Variants in DNAH14 observed in about 807,000 individuals in gnomAD.
DNAH14 encodes the protein axonemal beta dynein heavy chain 14.
DNAH14 carries 478 observed loss-of-function variants against 520.9 expected under a neutral mutation model. The observed-to-expected ratio is 0.92, with a 90% CI of 0.85 to 0.99. The LOEUF is 0.99. Ranked by LOEUF, DNAH14 falls within the 50% of genes least tolerant of loss-of-function variation. DNAH14 has a pLI of 0.00. For synonymous variants in DNAH14, 1,581 were observed against 1,757.2 expected, an observed-to-expected ratio of 0.90 and a Z score of 2.51; for missense variants, 4,831 against 5,234.5, an observed-to-expected ratio of 0.92 and a Z score of 2.38.
intron 31 of DNAH14, among the ~76,000 whole-genome samples, chr1:225,150,540 G>A (rs1439008500): frequency 6.6e-6 from 1 of 152,090 alleles, no homozygotes; most frequent in Non-Finnish European, 1.5e-5. Flanking sequence ...GCCTTTTTTG[G>A]TTGGTAGGCT....
chr1:225,118,533 G>C (rs1187890769), intron 25 of DNAH14, among the ~76,000 whole-genome samples: 2 of 152,058 alleles, frequency 1.3e-5, no homozygotes, highest in Non-Finnish European at 2.9e-5. Context: ...AAAAAATGCT[G>C]TGCCCAACCC....
rs1308406137 is a variant in DNAH14 at position 224,929,773 on chromosome 1, G to C, written c.-96G>C. The C allele has an allele frequency of 1.4e-6, 1 of 701,730 alleles. No homozygotes were observed. The highest frequency in any genetic ancestry group is 2.0e-5 in the Admixed American group (1 of 49,976). 43.5% of individuals were successfully genotyped at this position (701,730 alleles called of 1,614,324 possible). On this transcript the variant is annotated 5_prime_UTR_variant, in exon 1 of 86. Transcript: ENST00000682510. Reference sequence around the variant, plus strand: ...CCTAGTCTGGCGCTCGCCGGCGTGGGCGGGCCGGACCTTCGCCGCTTCCAG... The same window carrying C: ...CCTAGTCTGGCGCTCGCCGGCGTGGCCGGGCCGGACCTTCGCCGCTTCCAG...
Position 225,337,250 on chromosome 1 carries a change from A to G in DNAH14, c.10081-16A>G, listed in dbSNP as rs1200133885. Reference sequence around the variant, plus strand: ...ACATTTACAAAATAGTGAAAGTACTAATAATTTCATTGCAGATCAGCCGAT... The same window carrying G: ...ACATTTACAAAATAGTGAAAGTACTGATAATTTCATTGCAGATCAGCCGAT... On this transcript the variant is annotated splice_polypyrimidine_tract_variant and intron_variant, in intron 66 of 85. Coordinates refer to ENST00000682510, the MANE Select transcript of DNAH14 (RefSeq NM_001367479.1). 10 of 1,542,012 alleles carry G rather than the reference A, an allele frequency of 6.5e-6. No homozygotes were observed. Among genetic ancestry groups the G allele is most frequent in the Admixed American group, 3.9e-5 (2 of 50,896 alleles).
intron 75 of DNAH14, among the ~76,000 whole-genome samples, chr1:225,364,133 G>A (rs79830859): frequency 0.041 from 6,275 of 152,214 alleles, 184 homozygotes; most frequent in Middle Eastern, 0.075. Flanking sequence ...ATCATATCAA[G>A]AGGCCTGTGA....
Position 224,967,468 on chromosome 1 carries a change from T to G in DNAH14, c.536T>G (p.Leu179Arg). Residue 179 changes from leucine to arginine, a missense_variant, in exon 6 of 86, where the codon CTT becomes CGT. Leu to Arg is a moderately radical substitution (Grantham distance 102). Coordinates refer to ENST00000682510, the MANE Select transcript of DNAH14 (RefSeq NM_001367479.1). ...GATGATGGAGAATTTGTTTATTGCCTTCCTCGGAAAAGTCCTAAATCCCTT... is the reference window on the plus strand; with the variant it reads ...GATGATGGAGAATTTGTTTATTGCCGTCCTCGGAAAAGTCCTAAATCCCTT... ...LEDDGEFVYC[L>R]PRKSPKSLYN... 1.9e-6 allele frequency: 3 copies of G among 1,577,396 alleles called. No individual in the cohort carries two copies. Among genetic ancestry groups the G allele is most frequent in the Non-Finnish European group, 2.6e-6 (3 of 1,165,764 alleles).
In DNAH14 at chr1:225,351,681, G is replaced by A. The variant is rs761729206; in HGVS notation, c.11331G>A (p.Gln3777=). Residue 3777 remains glutamine, a synonymous_variant, in exon 72 of 86, where the codon CAG becomes CAA. Coordinates refer to ENST00000682510, the MANE Select transcript of DNAH14 (RefSeq NM_001367479.1). ...AAATAGGTGAAAGTCAACATCTTCA[G>A]TGGCTGTCAGATTCCAGGTGGAGGC... ...TFEIGESQHL[Q]WLSDSRWRQC... 11 of 1,549,712 alleles carry A rather than the reference G, an allele frequency of 7.1e-6. No homozygotes were observed. In the Admixed American group the frequency reaches 2.0e-4, roughly 28 times the overall value.
chr1:225,185,744 A>G (rs1203100882), intron 37 of DNAH14, among the ~76,000 whole-genome samples: 1 of 151,682 alleles, frequency 6.6e-6, no homozygotes, highest in Non-Finnish European at 1.5e-5. Context: ...TATTTATATA[A>G]CTTCTCTTCT....
chr1:225,290,239 T>C (rs956998057), intron 55 of DNAH14, among the ~76,000 whole-genome samples, 157 bp downstream of exon 55: 30 of 152,110 alleles, frequency 2.0e-4, no homozygotes, highest in African/African-American at 7.2e-4. Context: ...TCTGTTCTTA[T>C]CTAGTCATAG....
chr1:225,364,735 A>T, intron 75 of DNAH14, 57 bp from the exon 76 acceptor site: 1 of 1,286,336 alleles, frequency 7.8e-7, no homozygotes. Flanking sequence ...ATGATTCTAA[A>T]AACATGTTGG....
At chr1:225,335,587 A>ATGTATATACGCATATGTGCATC (rs1558432294) in intron 66 of DNAH14, among the ~76,000 whole-genome samples, 3 of 75,122 alleles carry the variant, frequency 4.0e-5, no homozygotes, top group African/African-American at 2.1e-4. Flanking sequence ...ATATGTGCAT[A>ATGTATATACGCATATGTGCATC]TATGTATATA....
intron 81 of DNAH14, among the ~76,000 whole-genome samples, chr1:225,386,450 G>A (rs1159325187): frequency 1.3e-5 from 2 of 152,064 alleles, no homozygotes; most frequent in East Asian, 1.9e-4. Flanking sequence ...GGCAACCTAC[G>A]GAATGGGAGA....
intron 83 of DNAH14, 136 bp downstream of exon 83, chr1:225,390,009 T>A (rs1308266625): frequency 2.6e-6 from 2 of 758,924 alleles, no homozygotes; most frequent in Non-Finnish European, 4.2e-6. Flanking sequence ...GTCTCTAGTG[T>A]GCACCAGAGC....
chr1:225,378,855 G>A (rs2095740176), intron 79 of DNAH14, among the ~76,000 whole-genome samples: 1 of 148,340 alleles, frequency 6.7e-6, no homozygotes, highest in South Asian at 2.2e-4. Flanking sequence ...ACTCCAGCTG[G>A]GGTGACAGTG....
At chr1:225,046,044 T>G (rs56337810) in intron 15 of DNAH14, among the ~76,000 whole-genome samples, 8,336 of 151,956 alleles carry the variant, frequency 0.055, 467 homozygotes, top group East Asian at 0.24. Flanking sequence ...TTTCCATTTA[T>G]TTAATTTTTC....
chr1:225,182,998 C>A (rs1252916598), intron 36 of DNAH14, among the ~76,000 whole-genome samples: 4 of 152,170 alleles, frequency 2.6e-5, no homozygotes, highest in Admixed American at 1.3e-4. Flanking sequence ...AGATCAGCTG[C>A]AGCAGCTATG....
chr1:225,136,433 G>A (rs1053757069), intron 27 of DNAH14, among the ~76,000 whole-genome samples: 7 of 152,182 alleles, frequency 4.6e-5, no homozygotes, highest in Non-Finnish European at 1.0e-4. Flanking sequence ...GGCCGGATAT[G>A]AAATTCTGGA....
intron 36 of DNAH14, among the ~76,000 whole-genome samples, chr1:225,182,070 G>T (rs1423233923): frequency 6.6e-6 from 1 of 152,066 alleles, no homozygotes; most frequent in Non-Finnish European, 1.5e-5. Flanking sequence ...ATGATGGCAT[G>T]CGCCTGTAAT....
chr1:225,160,676 A>G (rs2081427694), intron 35 of DNAH14, among the ~76,000 whole-genome samples: 2 of 152,166 alleles, frequency 1.3e-5, no homozygotes, highest in African/African-American at 2.4e-5. Context: ...ATAGAGTTCA[A>G]CAAACCACTA....
chr1:225,153,645 C>T, intron 33 of DNAH14, 105 bp from the exon 34 acceptor site: 1 of 724,374 alleles, frequency 1.4e-6, no homozygotes. Context: ...CACTGTTTCC[C>T]TGCAGAGCAT....
Sources: allele counts gnomAD v4.1 joint callset (sites outside exome capture counted in the v4.1 genomes callset), GRCh38; gene constraint gnomAD v4.1.1; transcripts MANE v1.5; gene names NCBI Gene and HGNC (gene_info 2026-07-23, HGNC 2026-07-21).